CTNNA3: variants seen among roughly 807,000 people sequenced by gnomAD.
The protein encoded by CTNNA3 is catenin alpha 3, also known as catenin alpha-3.
In CTNNA3, 76 loss-of-function variants were observed where a neutral mutation model predicts 95.7. That is an observed-to-expected ratio of 0.79 (90% CI 0.66 to 0.96). The LOEUF (loss-of-function observed/expected upper bound fraction) is 0.96, where lower values mean the gene tolerates loss of function less well. Among genes scored for constraint, CTNNA3 ranks in the 40% least tolerant of loss-of-function variants. CTNNA3 has a pLI of 0.00. For synonymous variants in CTNNA3, 431 were observed against 374.4 expected (o/e 1.15, Z -1.74); for missense variants, 1,191 against 1,089.8 (o/e 1.09, Z -1.31).
rs760912893 is a variant in CTNNA3, at chr10:66,825,280, TA to T, written c.1048-49757del. Reference sequence around the variant, plus strand: ...AAAAATGTATATATACATATATATATATATTTTTTTTTTGAGATGGAGTCGT... The same window carrying T: ...AAAAATGTATATATACATATATATATTATTTTTTTTTTGAGATGGAGTCGT... On this transcript the variant is annotated intron_variant, in intron 7 of 17. Transcript: ENST00000433211. Among the ~76,000 whole-genome samples, 57 of 129,450 alleles carry T rather than the reference TA, an allele frequency of 4.4e-4. No homozygotes were observed. The East Asian group carries it at 8.7e-3, about 20-fold the overall frequency. The allele number at this position is 129,450 out of a possible 152,430, so 84.9% of individuals were successfully genotyped here.
chr10:66,012,905 C>T (rs2079030987), intron 15 of CTNNA3, among the ~76,000 whole-genome samples: 1 of 152,116 alleles, frequency 6.6e-6, no homozygotes, highest in Non-Finnish European at 1.5e-5. Flanking sequence ...ACACAGAATC[C>T]ACTGGCTACA....
intron 7 of CTNNA3, among the ~76,000 whole-genome samples, chr10:67,072,033 ATC>A (rs1273161740): frequency 1.3e-5 from 2 of 152,198 alleles, no homozygotes; most frequent in Non-Finnish European, 2.9e-5. Context: ...GCGCACTGCA[ATC>A]TCTGCCTCCC....
chr10:67,428,678 G>C (rs1055370725), intron 5 of CTNNA3, among the ~76,000 whole-genome samples: 1 of 151,986 alleles, frequency 6.6e-6, no homozygotes, highest in Non-Finnish European at 1.5e-5. Flanking sequence ...TGCCAAAAGA[G>C]ATTAACATTT....
At chr10:67,750,142 A>T in intron 1 of CTNNA3, 1 of 826,662 alleles carries the variant, frequency 1.2e-6, no homozygotes, top group Non-Finnish European at 1.9e-6. Context: ...CACCATCTTT[A>T]AGAGCTGTAA....
At chr10:66,390,295 T>C (rs1210319304) in intron 11 of CTNNA3, among the ~76,000 whole-genome samples, 1 of 152,046 alleles carries the variant, frequency 6.6e-6, no homozygotes, top group East Asian at 1.9e-4. Flanking sequence ...CAGCAAAGCC[T>C]TAAGGGGAAG....
At chr10:67,427,833 G>T (rs1050552183) in intron 5 of CTNNA3, among the ~76,000 whole-genome samples, 1 of 152,062 alleles carries the variant, frequency 6.6e-6, no homozygotes, top group Non-Finnish European at 1.5e-5. Context: ...TCTGGGCCCA[G>T]AAGATGGGTG....
chr10:66,067,449 A>G (rs1356700254), intron 15 of CTNNA3, among the ~76,000 whole-genome samples: 4 of 152,234 alleles, frequency 2.6e-5, no homozygotes, highest in African/African-American at 9.6e-5. Context: ...ATGATTGTCC[A>G]TACTTTATTG....
chr10:66,447,810 GC>G (rs2093433729), intron 11 of CTNNA3, among the ~76,000 whole-genome samples: 1 of 151,908 alleles, frequency 6.6e-6, no homozygotes, highest in African/African-American at 2.4e-5. Context: ...GGCAACAAAA[GC>G]CAAAATTGAC....
intron 11 of CTNNA3, among the ~76,000 whole-genome samples, chr10:66,404,988 G>C (rs1767490834): frequency 6.6e-6 from 1 of 152,138 alleles, no homozygotes; most frequent in Non-Finnish European, 1.5e-5. Context: ...CGAGTTTGGT[G>C]GAATTGTATA....
chr10:67,624,874 C>T (rs997676073), intron 2 of CTNNA3, among the ~76,000 whole-genome samples: 3 of 152,188 alleles, frequency 2.0e-5, no homozygotes, highest in Non-Finnish European at 4.4e-5. Flanking sequence ...TATGACTAGT[C>T]TTAGATGTAA....
intron 7 of CTNNA3, among the ~76,000 whole-genome samples, chr10:66,821,452 G>A (rs1428533995): frequency 6.6e-6 from 1 of 152,050 alleles, no homozygotes; most frequent in African/African-American, 2.4e-5. Flanking sequence ...TGTGAAAAAA[G>A]TGGTAGGAAA....
chr10:67,179,233 T>C (rs914973819), intron 7 of CTNNA3, among the ~76,000 whole-genome samples: 1 of 151,988 alleles, frequency 6.6e-6, no homozygotes, highest in Non-Finnish European at 1.5e-5. Flanking sequence ...AAAATATTGC[T>C]ATTATAACTT....
At position 66,623,359 on chromosome 10, in the gene CTNNA3, G is replaced by A. The variant is rs149751075; in HGVS notation, c.1282-1575C>T. Among the ~76,000 whole-genome samples, 470 of 152,160 alleles carry A rather than the reference G, an allele frequency of 3.1e-3. 8 individuals carry two copies. Among genetic ancestry groups the A allele is most frequent in the Non-Finnish European group, 1.0e-3 (69 of 67,968 alleles). Reference sequence around the variant, plus strand: ...AGAAATTATAAAAAACTGGCCCTATGTAGATACTTTTTTATTTTACTTACT... The same window carrying A: ...AGAAATTATAAAAAACTGGCCCTATATAGATACTTTTTTATTTTACTTACT... On this transcript the variant is annotated intron_variant, in intron 9 of 17. Coordinates refer to ENST00000433211, the MANE Select transcript of CTNNA3 (RefSeq NM_013266.4).
chr10:66,851,245 G>T (rs116737239), intron 7 of CTNNA3, among the ~76,000 whole-genome samples: 1,714 of 152,128 alleles, frequency 0.011, 41 homozygotes, highest in African/African-American at 0.039. Context: ...CATCTCACCA[G>T]AAATGCCCAT....
intron 2 of CTNNA3, among the ~76,000 whole-genome samples, chr10:67,639,292 C>G (rs1267714042): frequency 6.6e-6 from 1 of 152,094 alleles, no homozygotes; most frequent in Non-Finnish European, 1.5e-5. Flanking sequence ...TACACCCTCC[C>G]AAGACTAAAC....
intron 7 of CTNNA3, among the ~76,000 whole-genome samples, chr10:66,904,864 G>A (rs1270439790): frequency 6.6e-6 from 1 of 152,104 alleles, no homozygotes; most frequent in Non-Finnish European, 1.5e-5. Flanking sequence ...TAAAAAGTCA[G>A]GAAACAACAG....
chr10:67,284,706 T>A (rs1165826752), intron 5 of CTNNA3, among the ~76,000 whole-genome samples: 1 of 152,186 alleles, frequency 6.6e-6, no homozygotes, highest in Non-Finnish European at 1.5e-5. Flanking sequence ...GATCATAACC[T>A]AACTACAAAA....
chr10:67,297,779 G>A (rs912375894), intron 5 of CTNNA3, among the ~76,000 whole-genome samples: 23 of 152,164 alleles, frequency 1.5e-4, no homozygotes, highest in African/African-American at 4.8e-4. Flanking sequence ...CACTGGATTC[G>A]ATAACACCTT....
At chr10:66,757,274 T>A (rs1041869475) in intron 9 of CTNNA3, among the ~76,000 whole-genome samples, 1 of 151,962 alleles carries the variant, frequency 6.6e-6, no homozygotes, top group African/African-American at 2.4e-5. Flanking sequence ...TGATAGGGAG[T>A]GGCAACTCTA....
Sources: allele counts gnomAD v4.1 joint callset (sites outside exome capture counted in the v4.1 genomes callset), GRCh38; gene constraint gnomAD v4.1.1; transcripts MANE v1.5; gene names NCBI Gene and HGNC (gene_info 2026-07-23, HGNC 2026-07-21).